Variants in MYRF observed in about 807,000 individuals in gnomAD.
MYRF encodes myelin regulatory factor, also known as myelin gene regulatory factor.
MYRF carries 16 observed loss-of-function variants against 126.3 expected under a neutral mutation model. The ratio of observed to expected loss-of-function variants is 0.13; its 90% CI spans 0.09 to 0.19. The LOEUF is 0.19. MYRF is among the 10% of genes least tolerant of loss of function. MYRF has a pLI of 1.00. For synonymous variants in MYRF, 608 were observed against 635.3 expected (o/e 0.96, Z 0.65); for missense variants, 1,104 against 1,547.0 (o/e 0.71, Z 4.80).
At chr11:61,772,981 T>C (rs985224854) in intron 7 of MYRF, among the ~76,000 whole-genome samples, 7 of 149,976 alleles carry the variant, frequency 4.7e-5, no homozygotes, top group Non-Finnish European at 1.0e-4. Context: ...GAGGGTGCGC[T>C]AAGCCACAGG....
At chr11:61,764,949 G>A (rs529985875) in intron 1 of MYRF, among the ~76,000 whole-genome samples, 4 of 152,344 alleles carry the variant, frequency 2.6e-5, no homozygotes, top group East Asian at 3.9e-4. Flanking sequence ...AAGTTCCCCC[G>A]CCTGTGCCCA....
chr11:61,766,347 C>A, intron 3 of MYRF, 126 bp downstream of exon 3: 2 of 1,073,192 alleles, frequency 1.9e-6, no homozygotes, highest in Non-Finnish European at 2.6e-6. Context: ...ACTGGCTGTG[C>A]GTGGGCAGGT....
At chr11:61,759,003 C>G (rs192571877) in intron 1 of MYRF, among the ~76,000 whole-genome samples, 1 of 152,224 alleles carries the variant, frequency 6.6e-6, no homozygotes, top group Non-Finnish European at 1.5e-5. Flanking sequence ...CGTGATCATG[C>G]GCATGTCAGT....
chr11:61,779,266 C>A lies in MYRF; in HGVS notation c.2017C>A (p.Arg673Ser). 1 of 1,541,410 alleles carries A rather than the reference C, an allele frequency of 6.5e-7. No homozygotes were observed. The highest frequency in any genetic ancestry group is 8.7e-7 in the Non-Finnish European group (1 of 1,146,440). The change falls in exon 15 of 27, where the codon CGC becomes AGC. Residue 673 changes from arginine to serine, a missense_variant. Physicochemically the swap from Arg to Ser is moderately radical, Grantham distance 110. Around this residue, in one of 10 missense-constraint regions of MYRF, gnomAD observed 123 missense variants for 209.1 expected, o/e 0.59. Transcript: ENST00000278836. ...IENFLVVNKERIFMENVGAVK... is the reference protein window; with the variant it reads ...IENFLVVNKESIFMENVGAVK... ...CATGGCCCATGGCCCATGGCAGGAG[C>A]GCATCTTCATGGAGAACGTAGGGGC... is the stretch of plus-strand genomic sequence containing the variant.
chr11:61,768,332 C>G (rs2066120757), intron 3 of MYRF, among the ~76,000 whole-genome samples: 1 of 152,178 alleles, frequency 6.6e-6, no homozygotes, highest in African/African-American at 2.4e-5. Context: ...TAACACATTA[C>G]AGAAGGCCTG....
chr11:61,767,455 G>A (rs1179173230), intron 3 of MYRF: 11 of 456,340 alleles, frequency 2.4e-5, no homozygotes, highest in Non-Finnish European at 4.8e-5. Flanking sequence ...GGCTTGTCCA[G>A]AGCCACACAG....
Position 61,769,291 on chromosome 11 carries a change from T to A in MYRF, c.430T>A (p.Ser144Thr). Residue 144 changes from serine (S) to threonine (T), a missense_variant, in exon 4 of 27, where the codon TCC becomes ACC. Transcript: ENST00000278836. Reference protein sequence around the residue: ...TLPDSPPDSGSEAYSPQQVNE... With the variant: ...TLPDSPPDSGTEAYSPQQVNE... Reference sequence around the variant, plus strand: ...GCCGGACTCTCCCCCAGACTCGGGCTCCGAGGCCTACTCCCCCCAGCAGGT... The same window carrying A: ...GCCGGACTCTCCCCCAGACTCGGGCACCGAGGCCTACTCCCCCCAGCAGGT... 6.2e-7 allele frequency: 1 copy of A among 1,609,842 alleles called. No individual in the cohort carries two copies. Among genetic ancestry groups the A allele is most frequent in the Non-Finnish European group, 8.5e-7 (1 of 1,178,648 alleles).
At position 61,752,688 on chromosome 11, in the gene MYRF, C is replaced by T. The variant is rs1188387368; in HGVS notation, c.-57C>T. ...CGCGGGCCGCGCCGGCGATGCCGCG[C>T]CCCCGGGCCGGGCTGTAGCGGGGCC... On this transcript the variant is annotated 5_prime_UTR_variant, in exon 1 of 27. Coordinates refer to ENST00000278836, the MANE Select transcript of MYRF (RefSeq NM_001127392.3). 29 of 1,242,426 alleles carry T rather than the reference C, an allele frequency of 2.3e-5. No homozygotes were observed. Among genetic ancestry groups the T allele is most frequent in the Non-Finnish European group, 2.7e-5 (27 of 989,430 alleles). The allele number at this position is 1,242,426 out of a possible 1,614,324, so 77.0% of individuals were successfully genotyped here. A position where few individuals can be genotyped will look rare whatever the true frequency, so the allele number is the denominator to read the frequency against.
intron 15 of MYRF, 29 bp downstream of exon 15, chr11:61,779,452 A>C: frequency 6.5e-7 from 1 of 1,547,754 alleles, no homozygotes; most frequent in Non-Finnish European, 8.7e-7. Flanking sequence ...GGAAGGTGAG[A>C]CCCTTCTTCC....
chr11:61,784,742 C>T (rs918895735), intron 25 of MYRF: 9 of 213,232 alleles, frequency 4.2e-5, no homozygotes, highest in Admixed American at 1.6e-4. Context: ...AGGAAGGAGC[C>T]GACCTCATGC....
intron 1 of MYRF, among the ~76,000 whole-genome samples, chr11:61,760,999 A>G (rs1208356315): frequency 6.6e-6 from 1 of 152,210 alleles, no homozygotes. Flanking sequence ...GTTGTCGGAA[A>G]TAGGCCTGGG....
rs750888932 is a variant in MYRF, at chr11:61,780,752, C to G, written c.2446C>G (p.Arg816Gly). ...CACTTCCTGTCTCCTGGCCCTGCTC[C>G]GGCCCCAGCCCCCTGGGGGGAGTGA... Reference protein sequence around the residue: ...VSTSCLLALLRPQPPGGSEAL... With the variant: ...VSTSCLLALLGPQPPGGSEAL... The change falls in exon 19 of 27, where the codon CGG becomes GGG. Residue 816 changes from arginine to glycine, a missense_variant. This residue lies in a region of MYRF where 323 missense variants were observed against 383.1 expected (regional missense o/e 0.84). Coordinates refer to ENST00000278836, the MANE Select transcript of MYRF (RefSeq NM_001127392.3). 1.9e-6 allele frequency: 3 copies of G among 1,548,432 alleles called. No individual in the cohort carries two copies. In the Admixed American group the frequency reaches 5.9e-5, roughly 30 times the overall value.
chr11:61,780,128 C>A, intron 17 of MYRF, 94 bp from the exon 18 acceptor site: 1 of 1,470,164 alleles, frequency 6.8e-7, no homozygotes. Context: ...ACCTGGGAGC[C>A]CAGCCTCAGG....
intron 1 of MYRF, 83 bp from the exon 2 acceptor site, chr11:61,765,542 G>A (rs2066031680): frequency 1.8e-6 from 2 of 1,140,188 alleles, no homozygotes; most frequent in African/African-American, 1.6e-5. Context: ...GCCAGCCTGG[G>A]CAGGGATGGA....
rs759591078 is a variant in MYRF, at chr11:61,765,757, C to T, written c.134+45C>T. 1.3e-5 allele frequency: 20 copies of T among 1,557,186 alleles called. No homozygotes were observed. In the African/African-American group the frequency reaches 2.5e-4, roughly 19 times the overall value. On this transcript the variant is annotated intron_variant, in intron 2 of 26. Coordinates refer to ENST00000278836, the MANE Select transcript of MYRF (RefSeq NM_001127392.3). ...GGCCTGCACCCGCCCAGCCCCAGCCCTTCGCCTCCCTTCTGTCACCAGGGA... is the reference window on the plus strand; with the variant it reads ...GGCCTGCACCCGCCCAGCCCCAGCCTTTCGCCTCCCTTCTGTCACCAGGGA...
intron 1 of MYRF, among the ~76,000 whole-genome samples, chr11:61,756,510 A>G (rs1023321076): frequency 4.0e-5 from 6 of 151,808 alleles, no homozygotes; most frequent in African/African-American, 1.2e-4. Context: ...GGGAGTAAGT[A>G]GATGGGAGGG....
rs1209497499 is a variant in MYRF at position 61,783,648 on chromosome 11, G to A, written c.3119+48G>A. 3 of 1,550,992 alleles carry A rather than the reference G, an allele frequency of 1.9e-6. No homozygotes were observed. In the Admixed American group the frequency reaches 5.1e-5, roughly 26 times the overall value. ...ACCCAGGGAGGTCCTCAGGTGACAT[G>A]AGCCCAGGTGGTACAGATCACCCGG... is the stretch of plus-strand genomic sequence containing the variant. On this transcript the variant is annotated intron_variant, in intron 23 of 26. Coordinates refer to ENST00000278836, the MANE Select transcript of MYRF (RefSeq NM_001127392.3). This position sits in a 1 kb window ranked among gnomAD's most constrained non-coding sequence, Gnocchi z 4.6.
At chr11:61,754,997 G>A (rs962007989) in intron 1 of MYRF, among the ~76,000 whole-genome samples, 19 of 152,206 alleles carry the variant, frequency 1.2e-4, no homozygotes, top group Admixed American at 5.9e-4. Flanking sequence ...TTGAGCCGTG[G>A]CTGCGTCACT....
intron 4 of MYRF, among the ~76,000 whole-genome samples, chr11:61,769,576 C>T (rs1410463739): frequency 6.6e-6 from 1 of 152,182 alleles, no homozygotes; most frequent in African/African-American, 2.4e-5. Context: ...ACGCACCCTT[C>T]GGCGGTAAGT....
Sources: gnomAD v4.1 joint callset for allele counts (sites outside exome capture counted in the v4.1 genomes callset) on GRCh38, gnomAD v4.1.1 for gene constraint, gnomAD v4.1.1 regional missense constraint, Gnocchi (gnomAD v3.1) non-coding constraint, MANE v1.5 for transcripts, NCBI Gene and HGNC (gene_info 2026-07-23, HGNC 2026-07-21) for gene names.